The following OPHN1 variants were observed in gnomAD, a reference collection of about 807,000 sequenced individuals.
OPHN1 encodes oligophrenin-1.
Under a neutral mutation model 60.7 loss-of-function variants are expected in OPHN1, and 11 were observed. That is an observed-to-expected ratio of 0.18 (90% CI 0.11 to 0.30). The LOEUF (loss-of-function observed/expected upper bound fraction) is 0.30, where lower values mean the gene tolerates loss of function less well. Among genes scored for constraint, OPHN1 ranks in the 10% least tolerant of loss-of-function variants. The probability of loss-of-function intolerance (pLI) is 1.00; values close to 1 mark genes in which losing one functional copy is unlikely to be tolerated. For missense variants in OPHN1, 449 were observed against 611.0 expected, an observed-to-expected ratio of 0.73 and a Z score of 2.80; for synonymous variants, 226 against 222.6, an observed-to-expected ratio of 1.02 and a Z score of -0.14.
chrX:68,404,417 CA>C (rs1241345276), intron 2 of OPHN1, among the ~76,000 whole-genome samples: 2 of 111,187 alleles, frequency 1.8e-5, no homozygotes, highest in Non-Finnish European at 3.8e-5. Flanking sequence ...CTTGGCCTCC[CA>C]AAGTGCTGGG....
At chrX:68,334,959 G>A (rs1190445503) in intron 2 of OPHN1, among the ~76,000 whole-genome samples, 1 of 109,104 alleles carries the variant, frequency 9.2e-6, no homozygotes, top group African/African-American at 3.3e-5. Context: ...TTGGGCGACA[G>A]AATAAGACCC....
rs2077535795 is a variant in OPHN1 at position 68,201,665 on chromosome X, C to CCGT, written c.976_978dup (p.Thr326dup). On this transcript the variant is annotated inframe_insertion, in exon 11 of 25. Transcript: ENST00000355520. ...AAACAGAACCTCTTGTCGATAGACTCCGTCTTCCTTCTCACACAGTACTTC... is the reference window on the plus strand; with the variant it reads ...AAACAGAACCTCTTGTCGATAGACTCCGTCGTCTTCCTTCTCACACAGTACTTC... The CCGT allele has an allele frequency of 8.3e-7, 1 of 1,209,101 alleles. No homozygotes were observed.
At chrX:68,115,956 T>G (rs751619617) in intron 16 of OPHN1, among the ~76,000 whole-genome samples, 2 of 111,605 alleles carry the variant, frequency 1.8e-5, no homozygotes, top group Non-Finnish European at 3.8e-5. Context: ...AATACATTGG[T>G]TTGGTTCAGA....
intron 2 of OPHN1, among the ~76,000 whole-genome samples, chrX:68,399,188 C>T (rs1227701646): frequency 9.0e-6 from 1 of 110,995 alleles, no homozygotes; most frequent in Non-Finnish European, 1.9e-5. Context: ...TAATACAGTT[C>T]TCTCCATCTC....
intron 2 of OPHN1, among the ~76,000 whole-genome samples, chrX:68,398,960 A>AGT (rs113103699): frequency 0.072 from 6,875 of 95,138 alleles, 629 homozygotes; most frequent in African/African-American, 0.24. Flanking sequence ...AAACAAAAAA[A>AGT]GTGTGTGTGT....
chrX:68,359,748 C>T (rs1011669784), intron 2 of OPHN1, among the ~76,000 whole-genome samples: 4 of 102,804 alleles, frequency 3.9e-5, no homozygotes, highest in Admixed American at 3.3e-4. Context: ...CCCAGCTACT[C>T]GGGAGGTTGA....
intron 15 of OPHN1, among the ~76,000 whole-genome samples, chrX:68,153,984 A>ACCATATTATGGAGT (rs2077297504): frequency 3.6e-5 from 4 of 112,130 alleles, no homozygotes; most frequent in Admixed American, 1.9e-4. Context: ...CCATAATATT[A>ACCATATTATGGAGT]AAGGAGGAGT....
chrX:68,148,063 G>C (rs1210212207), intron 15 of OPHN1, among the ~76,000 whole-genome samples: 2 of 110,871 alleles, frequency 1.8e-5, no homozygotes, highest in Admixed American at 1.9e-4. Flanking sequence ...TGAGGAAGTG[G>C]GATTTTAAAT....
Position 68,063,911 on chromosome X carries a change from T to C in OPHN1, c.2101A>G (p.Thr701Ala). Residue 701 changes from threonine (T) to alanine (A), a missense_variant, in exon 21 of 25, where the codon ACC becomes GCC. Thr to Ala is a moderately conservative substitution (Grantham distance 58, BLOSUM62 0). Around this residue, in one of 4 missense-constraint regions of OPHN1, gnomAD observed 184 missense variants for 160.5 expected, o/e 1.15. Coordinates refer to ENST00000355520, the MANE Select transcript of OPHN1 (RefSeq NM_002547.3). ...GGTCTCTTTATGTGGAAAGAGGGGG[T>C]CTTGGTGGGCCCAGAGCCTGGCATG... ...GPMPGSGPTK[T>A]PSFHIKRPAP... is the part of the protein sequence containing the mutation. 1 of 1,183,792 alleles carries C rather than the reference T, an allele frequency of 8.4e-7. No individual in the cohort carries two copies. Among genetic ancestry groups the C allele is most frequent in the Non-Finnish European group, 1.1e-6 (1 of 880,494 alleles).
chrX:68,199,065 T>C (rs749925341), intron 11 of OPHN1, among the ~76,000 whole-genome samples: 1 of 112,508 alleles, frequency 8.9e-6, no homozygotes, highest in East Asian at 2.8e-4. Context: ...CTTAAATGGC[T>C]GATAACAGTG....
chrX:68,052,191 G>A (rs1320597512), intron 23 of OPHN1, among the ~76,000 whole-genome samples: 2 of 110,468 alleles, frequency 1.8e-5, no homozygotes, highest in Non-Finnish European at 3.8e-5. Flanking sequence ...TAGGGAGGCT[G>A]AGGTGGGAGG....
chrX:68,239,816 ATTT>A (rs35695832), intron 5 of OPHN1, among the ~76,000 whole-genome samples: 92 of 93,498 alleles, frequency 9.8e-4, no homozygotes, highest in South Asian at 5.6e-3. Context: ...TTCCTTTTCT[ATTT>A]TTTTTTTTTT....
chrX:68,292,363 A>AT (rs2078074647), intron 3 of OPHN1, among the ~76,000 whole-genome samples: 1 of 111,957 alleles, frequency 8.9e-6, no homozygotes, highest in Non-Finnish European at 1.9e-5. Context: ...TTCCTTGAAA[A>AT]TAGTGTTATT....
intron 2 of OPHN1, among the ~76,000 whole-genome samples, chrX:68,319,538 C>A (rs1308985963): frequency 1.8e-5 from 2 of 110,477 alleles, no homozygotes; most frequent in Non-Finnish European, 3.8e-5. Flanking sequence ...GAGTTCAAGA[C>A]CAGCATGGAC....
chrX:68,241,139 T>C (rs903659558), intron 5 of OPHN1, among the ~76,000 whole-genome samples: 3 of 112,004 alleles, frequency 2.7e-5, no homozygotes, highest in Non-Finnish European at 5.6e-5. Flanking sequence ...CTTAATGTTG[T>C]CTGTGTACCC....
intron 2 of OPHN1, among the ~76,000 whole-genome samples, chrX:68,323,434 C>T (rs899042763): frequency 5.6e-4 from 62 of 111,473 alleles, no homozygotes; most frequent in African/African-American, 2.0e-3. Flanking sequence ...TTGCATACCC[C>T]CCTACACACA....
rs749994333 is a variant in OPHN1 at position 68,174,945 on chromosome X, G to A, written c.1276+17974C>T. On this transcript the variant is annotated intron_variant, in intron 15 of 24. Transcript: ENST00000355520. ...CTAAAAATACAAAAATTAGCTGGGC[G>A]TGGTGATGGGTGCCTGTAATCTCAG... is the stretch of plus-strand genomic sequence containing the variant. 1.1e-4 allele frequency among the ~76,000 whole-genome samples: 12 copies of A among 110,052 alleles called. No individual in the cohort carries two copies. The South Asian group carries it at 2.4e-3, about 22-fold the overall frequency.
chrX:68,217,984 C>A, intron 6 of OPHN1, among the ~76,000 whole-genome samples: 1 of 98,998 alleles, frequency 1.0e-5, no homozygotes, highest in Non-Finnish European at 2.1e-5. Flanking sequence ...TTACTCTGAG[C>A]TACAGGAGGA....
intron 6 of OPHN1, among the ~76,000 whole-genome samples, chrX:68,226,073 C>T (rs891709549): frequency 3.6e-5 from 4 of 111,810 alleles, no homozygotes; most frequent in African/African-American, 9.8e-5. Flanking sequence ...ATGAGAACTA[C>T]ATGACACATG....
Sources: allele counts gnomAD v4.1 joint callset (sites outside exome capture counted in the v4.1 genomes callset), GRCh38; gene constraint gnomAD v4.1.1; regional missense constraint gnomAD v4.1.1; transcripts MANE v1.5; gene names NCBI Gene and HGNC (gene_info 2026-07-23, HGNC 2026-07-21).